Variants in CTNNA2 observed in about 807,000 individuals in gnomAD.
CTNNA2 encodes the protein catenin alpha-2.
CTNNA2 carries 42 observed loss-of-function variants against 101.0 expected under a neutral mutation model. That is an observed-to-expected ratio of 0.42 (90% CI 0.32 to 0.54). CTNNA2 has a LOEUF of 0.54. Ranked by LOEUF, CTNNA2 falls within the 20% of genes least tolerant of loss-of-function variation. The pLI, the probability that CTNNA2 is intolerant of heterozygous loss-of-function variation, is 0.14. For missense variants in CTNNA2, 871 were observed against 1,223.1 expected, an observed-to-expected ratio of 0.71 and a Z score of 4.29; for synonymous variants, 450 against 456.4, an observed-to-expected ratio of 0.99 and a Z score of 0.18.
chr2:80,402,481 C>T (rs926335738), intron 8 of CTNNA2, among the ~76,000 whole-genome samples: 2 of 152,168 alleles, frequency 1.3e-5, no homozygotes, highest in South Asian at 4.1e-4. Flanking sequence ...CTGGGGCTAT[C>T]CAGGAGCCCA....
At chr2:79,325,820 G>A (rs1676733308) in intron 3 of CTNNA2, among the ~76,000 whole-genome samples, 1 of 152,166 alleles carries the variant, frequency 6.6e-6, no homozygotes, top group African/African-American at 2.4e-5. Flanking sequence ...CAGGCACTCA[G>A]TAAAATGTTC....
intron 7 of CTNNA2, among the ~76,000 whole-genome samples, chr2:80,018,779 T>TAAAAAA (rs11374204): frequency 2.4e-5 from 3 of 123,942 alleles, no homozygotes; most frequent in African/African-American, 9.2e-5. Context: ...AGACTCTGTG[T>TAAAAAA]AAAAAAAAAA....
At chr2:80,647,475 C>G in intron 18 of CTNNA2, 110 bp from the exon 19 acceptor site, 1 of 969,014 alleles carries the variant, frequency 1.0e-6, no homozygotes, top group Non-Finnish European at 1.5e-6. Flanking sequence ...TTCAGCAATA[C>G]TATTTATTTG....
intron 3 of CTNNA2, among the ~76,000 whole-genome samples, chr2:79,777,975 G>A (rs148801372): frequency 4.8e-4 from 72 of 151,024 alleles, no homozygotes; most frequent in African/African-American, 1.7e-3. Flanking sequence ...AAAACAAATG[G>A]CATGTGATTG....
At chr2:79,683,933 G>T (rs929372989) in intron 2 of CTNNA2, among the ~76,000 whole-genome samples, 6 of 152,184 alleles carry the variant, frequency 3.9e-5, no homozygotes, top group African/African-American at 1.4e-4. Flanking sequence ...TGGCCACAGA[G>T]ACATAGGATC....
chr2:80,255,346 T>C (rs1029941804), intron 7 of CTNNA2, among the ~76,000 whole-genome samples: 1 of 152,134 alleles, frequency 6.6e-6, no homozygotes, highest in African/African-American at 2.4e-5. Context: ...ATACAGTGAT[T>C]CCATACGGGC....
At chr2:80,477,727 A>G (rs970187790) in intron 9 of CTNNA2, among the ~76,000 whole-genome samples, 2 of 143,912 alleles carry the variant, frequency 1.4e-5, no homozygotes, top group Non-Finnish European at 1.5e-5. Flanking sequence ...CATGGTGTGA[A>G]TGTGTGTGTG....
chr2:80,280,836 G>A (rs1413186071), intron 7 of CTNNA2, among the ~76,000 whole-genome samples: 1 of 151,878 alleles, frequency 6.6e-6, no homozygotes, highest in African/African-American at 2.4e-5. Context: ...GCCTGTTATT[G>A]TATAAGAAAA....
chr2:80,619,933 A>G (rs986909772), intron 18 of CTNNA2, among the ~76,000 whole-genome samples: 2 of 151,782 alleles, frequency 1.3e-5, no homozygotes, highest in African/African-American at 4.8e-5. Flanking sequence ...TTGGGTTTCT[A>G]TATATTGCTG....
chr2:79,826,922 G>T (rs72916643), intron 3 of CTNNA2, among the ~76,000 whole-genome samples: 3 of 152,182 alleles, frequency 2.0e-5, no homozygotes, highest in Non-Finnish European at 4.4e-5. Context: ...AACTGGCTTC[G>T]GAGACACTGG....
At chr2:80,276,844 T>C (rs948891034) in intron 7 of CTNNA2, among the ~76,000 whole-genome samples, 3 of 151,948 alleles carry the variant, frequency 2.0e-5, no homozygotes, top group Non-Finnish European at 4.4e-5. Context: ...GACTCCAAAA[T>C]TGGGGATCAA....
chr2:79,619,358 C>A (rs1678851482), intron 1 of CTNNA2, among the ~76,000 whole-genome samples: 1 of 152,194 alleles, frequency 6.6e-6, no homozygotes, highest in South Asian at 2.1e-4. Context: ...GTATTAGCTC[C>A]AGCTGTCCAA....
chr2:79,253,028 T>C (rs952583287), intron 2 of CTNNA2, among the ~76,000 whole-genome samples: 2 of 152,226 alleles, frequency 1.3e-5, no homozygotes, highest in African/African-American at 4.8e-5. Flanking sequence ...GCCACTGTCA[T>C]GGAAGCATAT....
At chr2:80,211,881 C>CT (rs143751548) in intron 7 of CTNNA2, among the ~76,000 whole-genome samples, 33,093 of 151,972 alleles carry the variant, frequency 0.22, 5,385 homozygotes, top group African/African-American at 0.45. Context: ...TTTGTGTCCT[C>CT]TTTTATTTTG....
chr2:80,586,031 G>T, intron 14 of CTNNA2, among the ~76,000 whole-genome samples: 1 of 152,238 alleles, frequency 6.6e-6, no homozygotes, highest in Admixed American at 6.5e-5. Context: ...CTTCAGAATT[G>T]TGTCCTTAGA....
intron 7 of CTNNA2, among the ~76,000 whole-genome samples, chr2:80,096,613 G>A (rs375054999): frequency 1.3e-5 from 2 of 152,124 alleles, no homozygotes; most frequent in Admixed American, 1.3e-4. Context: ...GGGTGTTAAA[G>A]TCTCCCATTA....
intron 7 of CTNNA2, among the ~76,000 whole-genome samples, chr2:79,945,983 AG>A (rs1426255452): frequency 6.6e-6 from 1 of 152,190 alleles, no homozygotes; most frequent in Admixed American, 6.5e-5. Flanking sequence ...AAATAATTCA[AG>A]GAGAAGGTAA....
intron 4 of CTNNA2, among the ~76,000 whole-genome samples, chr2:79,495,006 G>A (rs1671241088): frequency 6.6e-6 from 1 of 152,092 alleles, no homozygotes; most frequent in South Asian, 2.1e-4. Flanking sequence ...AGGAGGCTGA[G>A]GCAGGAGAAT....
chr2:79,201,250 G>A (rs78303611), intron 2 of CTNNA2, among the ~76,000 whole-genome samples: 1 of 152,114 alleles, frequency 6.6e-6, no homozygotes, highest in African/African-American at 2.4e-5. Context: ...AACAAAAACA[G>A]TTAAGCAAAA....
Sources: allele counts gnomAD v4.1 joint callset (sites outside exome capture counted in the v4.1 genomes callset), GRCh38; gene constraint gnomAD v4.1.1; transcripts MANE v1.5; gene names NCBI Gene and HGNC (gene_info 2026-07-23, HGNC 2026-07-21).